Variants in APOL3 observed in about 807,000 individuals in gnomAD.
APOL3 encodes the protein TNF-inducible protein CG12-1.
In APOL3, 14 loss-of-function variants were observed where a neutral mutation model predicts 11.6. The observed-to-expected ratio is 1.21, with a 90% CI of 0.80 to 1.89. The LOEUF is 1.89. APOL3 is among the 40% of genes most tolerant of loss of function. APOL3 has a pLI of 0.00. For synonymous variants in APOL3, 192 were observed against 190.6 expected (o/e 1.01, Z -0.06); for missense variants, 483 against 492.1 (o/e 0.98, Z 0.17).
chr22:36,158,629 C>T (rs2013290597), intron 1 of APOL3, among the ~76,000 whole-genome samples: 1 of 152,124 alleles, frequency 6.6e-6, no homozygotes. Context: ...AACATCCTGG[C>T]TAACATGGTG....
At chr22:36,146,599 A>G (rs956092406) in intron 1 of APOL3, among the ~76,000 whole-genome samples, 4 of 151,910 alleles carry the variant, frequency 2.6e-5, no homozygotes, top group Non-Finnish European at 5.9e-5. Context: ...CCTTATGTAA[A>G]TTCCTGGGAT....
At chr22:36,154,279 T>C (rs1569529639) in intron 1 of APOL3, among the ~76,000 whole-genome samples, 1 of 152,208 alleles carries the variant, frequency 6.6e-6, no homozygotes, top group African/African-American at 2.4e-5. Context: ...TTACTTTTGG[T>C]TTATACCGCT....
intron 1 of APOL3, chr22:36,153,418 A>G (rs1368544899): frequency 1.3e-5 from 6 of 456,192 alleles, no homozygotes; most frequent in Non-Finnish European, 2.6e-5. Flanking sequence ...GGCTGGGGTA[A>G]CCAAGCTGCT....
At chr22:36,154,252 G>A (rs1452499244) in intron 1 of APOL3, among the ~76,000 whole-genome samples, 1 of 152,196 alleles carries the variant, frequency 6.6e-6, no homozygotes, top group Non-Finnish European at 1.5e-5. Context: ...CTTTAAATGA[G>A]GGGGAGGCTT....
chr22:36,164,402 C>T (rs951359261), upstream of APOL3, among the ~76,000 whole-genome samples: 7 of 152,194 alleles, frequency 4.6e-5, no homozygotes, highest in Non-Finnish European at 7.3e-5. Context: ...CTGTTACAAC[C>T]TCCGAGGACC....
At chr22:36,165,695 C>T (rs1777788489), upstream of APOL3, 3 of 152,286 alleles carry the variant, frequency 2.0e-5, no homozygotes, top group South Asian at 6.2e-4. Flanking sequence ...TGTCTGATAT[C>T]TACGTGGGCC....
chr22:36,155,288 A>G (rs911512220), intron 1 of APOL3, among the ~76,000 whole-genome samples: 1 of 152,150 alleles, frequency 6.6e-6, no homozygotes, highest in African/African-American at 2.4e-5. Flanking sequence ...AGGCACATCC[A>G]TTCCAGCCGC....
chr22:36,160,911 T>C (rs777956304), exon 1 of APOL3: 17 of 1,608,906 alleles, frequency 1.1e-5, no homozygotes, highest in Non-Finnish European at 1.3e-5. Context: ...AGCAGCACCC[T>C]TGGTCCCACC....
chr22:36,145,438 G>C (rs570101676), intron 2 of APOL3, 35 bp downstream of exon 3: 2 of 1,609,942 alleles, frequency 1.2e-6, no homozygotes, highest in Admixed American at 3.4e-5. Flanking sequence ...TGGCATAGCC[G>C]GGGCGCCCCA....
chr22:36,142,172 A>G (rs1255198227), intron 2 of APOL3, 114 bp from the exon 4 acceptor site: 12 of 1,215,966 alleles, frequency 9.9e-6, no homozygotes, highest in Non-Finnish European at 1.3e-5. Flanking sequence ...TCAAATGGAA[A>G]TAAAGCTTTA....
At chr22:36,162,034 C>T (rs1444183273), upstream of APOL3, among the ~76,000 whole-genome samples, 1 of 152,174 alleles carries the variant, frequency 6.6e-6, no homozygotes, top group Non-Finnish European at 1.5e-5. Context: ...TGTGAGTTTA[C>T]CCACATCCCG....
chr22:36,142,042 G>C, exon 3 of APOL3: 1 of 1,612,424 alleles, frequency 6.2e-7, no homozygotes, highest in Non-Finnish European at 8.5e-7. Context: ...GCTTCGTAGA[G>C]AGCATCTGCC....
At chr22:36,157,145 G>A in intron 1 of APOL3, 1 of 408,100 alleles carries the variant, frequency 2.5e-6, no homozygotes, top group Non-Finnish European at 4.9e-6. Flanking sequence ...AAAGAAAAAA[G>A]AAATTTCTAA....
intron 2 of APOL3, 35 bp from the exon 4 acceptor site, chr22:36,142,093 A>G: frequency 1.3e-6 from 2 of 1,554,504 alleles, no homozygotes; most frequent in Middle Eastern, 1.7e-4. Context: ...TAAGAAAGGC[A>G]GCTTACTTAT....
intron 1 of APOL3, among the ~76,000 whole-genome samples, chr22:36,148,108 A>T (rs1260279368): frequency 6.6e-6 from 1 of 152,262 alleles, no homozygotes; most frequent in East Asian, 1.9e-4. Flanking sequence ...TTTCCATCAT[A>T]ACATGAAATG....
chr22:36,140,415 C>G (rs1047114909), exon 3 of APOL3: 1 of 152,252 alleles, frequency 6.6e-6, no homozygotes, highest in Non-Finnish European at 1.5e-5. Flanking sequence ...AGTCTCTAAA[C>G]TGCTTTTCAG....
chr22:36,149,349 C>A (rs1183045460), intron 1 of APOL3: 1 of 1,306,444 alleles, frequency 7.7e-7, no homozygotes, highest in Non-Finnish European at 1.0e-6. Flanking sequence ...CTCACTCTCA[C>A]ACCAAGGCAG....
chr22:36,145,782 C>A (rs1161704956), intron 1 of APOL3, among the ~76,000 whole-genome samples, 183 bp from the exon 3 acceptor site: 1 of 152,016 alleles, frequency 6.6e-6, no homozygotes, highest in Non-Finnish European at 1.5e-5. Context: ...AGACCCTAAA[C>A]CCCAGTAACT....
chr22:36,147,774 G>A (rs2060273763), intron 1 of APOL3, among the ~76,000 whole-genome samples: 1 of 152,210 alleles, frequency 6.6e-6, no homozygotes, highest in East Asian at 1.9e-4. Context: ...ATTTATTGCT[G>A]GGGTGGGAGT....
Sources: gnomAD v4.1 joint callset for allele counts (sites outside exome capture counted in the v4.1 genomes callset) on GRCh38, gnomAD v4.1.1 for gene constraint, MANE v1.5 for transcripts, NCBI Gene and HGNC (gene_info 2026-07-23, HGNC 2026-07-21) for gene names.